The following ZMYND11 variants were observed in gnomAD, a reference collection of about 807,000 sequenced individuals.
ZMYND11 encodes zinc finger MYND-type containing 11, also known as zinc finger MYND domain-containing protein 11.
A neutral mutation model predicts 84.9 loss-of-function variants in ZMYND11; 9 were observed. That is an observed-to-expected ratio of 0.11 (90% confidence interval 0.06 to 0.18). The LOEUF (loss-of-function observed/expected upper bound fraction) is 0.18. Among genes scored for constraint, ZMYND11 ranks in the 10% least tolerant of loss-of-function variants. ZMYND11 has a pLI of 1.00. For synonymous variants in ZMYND11, 250 were observed against 244.1 expected (o/e 1.02, Z -0.23); for missense variants, 409 against 761.0 (o/e 0.54, Z 5.44).
At chr10:158,992 T>G (rs1406799651) in intron 1 of ZMYND11, among the ~76,000 whole-genome samples, 6 of 80,246 alleles carry the variant, frequency 7.5e-5, no homozygotes, top group Non-Finnish European at 1.9e-4. Context: ...TTGTTTTTTG[T>G]TTTTTTTTTT....
In ZMYND11 at chr10:221,442, C is replaced by T. The variant is rs572051819; in HGVS notation, c.438+86C>T. 1.1e-5 allele frequency: 16 copies of T among 1,405,142 alleles called. No individual in the cohort carries two copies. In the African/African-American group the frequency reaches 1.9e-4, roughly 16 times the overall value. The allele number at this position is 1,405,142 out of a possible 1,614,324, so 87.0% of individuals were successfully genotyped here. The stretch of plus-strand genomic sequence containing the variant: ...CAAAAAGATATCCCAGGTGGTCTTG[C>T]CAGGTGAACGGATAAAGGACTGGAG... On this transcript the variant is annotated intron_variant, in intron 4 of 14. Coordinates refer to ENST00000381604, the MANE Select transcript of ZMYND11 (RefSeq NM_001370100.5).
intron 4 of ZMYND11, among the ~76,000 whole-genome samples, chr10:225,168 A>ATAAG (rs1947885389): frequency 6.6e-6 from 1 of 152,232 alleles, no homozygotes; most frequent in African/African-American, 2.4e-5. Context: ...CTTTGGTAGG[A>ATAAG]TAAGTTTATT....
At chr10:240,519 A>G (rs1264446847) in intron 8 of ZMYND11, among the ~76,000 whole-genome samples, 1 of 152,184 alleles carries the variant, frequency 6.6e-6, no homozygotes, top group Non-Finnish European at 1.5e-5. Context: ...AAACAAAAAA[A>G]GGTCTTTTAT....
chr10:190,350 G>C (rs772568071), intron 2 of ZMYND11, among the ~76,000 whole-genome samples: 3 of 152,096 alleles, frequency 2.0e-5, no homozygotes, highest in Non-Finnish European at 1.5e-5. Flanking sequence ...ACATTCCCAT[G>C]CATAGGTGTT....
At chr10:161,031 G>A (rs1167085580) in intron 1 of ZMYND11, among the ~76,000 whole-genome samples, 1 of 147,264 alleles carries the variant, frequency 6.8e-6, no homozygotes, top group Non-Finnish European at 1.5e-5. Flanking sequence ...GCACAAACAG[G>A]GCTGACTGCA....
chr10:246,683 G>C, intron 10 of ZMYND11, 83 bp from the exon 11 acceptor site: 1 of 1,338,804 alleles, frequency 7.5e-7, no homozygotes, highest in Non-Finnish European at 1.1e-6. Flanking sequence ...CTTTATGGCA[G>C]GCAGGGTCCA....
In ZMYND11 at chr10:165,071, C is replaced by T. The variant is rs892089707; in HGVS notation, c.-19-14923C>T. Among the ~76,000 whole-genome samples, 5 of 152,214 alleles carry T rather than the reference C, an allele frequency of 3.3e-5. No homozygotes were observed. The South Asian group carries it at 8.3e-4, about 25-fold the overall frequency. ...TTCCATCTACCTCCTTTACTTTTGT[C>T]AGTCAGTCTTCTGGAAAGAGTTCTC... is the stretch of plus-strand genomic sequence containing the variant. On this transcript the variant is annotated intron_variant, in intron 1 of 14. Transcript: ENST00000381604.
At chr10:190,888 T>TAA (rs920766984) in intron 2 of ZMYND11, among the ~76,000 whole-genome samples, 1 of 152,052 alleles carries the variant, frequency 6.6e-6, no homozygotes, top group Non-Finnish European at 1.5e-5. Flanking sequence ...GTTCCCTTAG[T>TAA]AATATATATA....
intron 2 of ZMYND11, among the ~76,000 whole-genome samples, chr10:180,439 G>C (rs1193197804): frequency 2.0e-5 from 3 of 152,036 alleles, no homozygotes; most frequent in Non-Finnish European, 2.9e-5. Context: ...TCATTCTGTT[G>C]CCCAGGCTGG....
intron 2 of ZMYND11, among the ~76,000 whole-genome samples, chr10:201,394 C>T (rs1943105283): frequency 6.6e-6 from 1 of 152,062 alleles, no homozygotes; most frequent in African/African-American, 2.4e-5. Context: ...CTGGTTGTGG[C>T]TGTTTTTATA....
chr10:239,837 A>G (rs1270666692), intron 7 of ZMYND11: 1 of 551,652 alleles, frequency 1.8e-6, no homozygotes, highest in African/African-American at 1.9e-5. Flanking sequence ...CACATCATCC[A>G]AAGGTAAGGT....
chr10:190,063 C>G (rs1939921055), intron 2 of ZMYND11, among the ~76,000 whole-genome samples: 1 of 152,186 alleles, frequency 6.6e-6, no homozygotes, highest in African/African-American at 2.4e-5. Context: ...AAATTTTTAT[C>G]CTGTAGCGAG....
At chr10:142,658 G>T (rs1837761666) in intron 1 of ZMYND11, among the ~76,000 whole-genome samples, 1 of 152,128 alleles carries the variant, frequency 6.6e-6, no homozygotes, top group Admixed American at 6.5e-5. Flanking sequence ...TCTTTACAGT[G>T]ATATTCCTTC....
intron 1 of ZMYND11, among the ~76,000 whole-genome samples, chr10:138,977 C>T (rs1038758479): frequency 5.1e-4 from 77 of 152,010 alleles, no homozygotes; most frequent in South Asian, 8.3e-4. Context: ...GGATTATAGG[C>T]GCCCGCCACT....
chr10:217,428 C>T (rs963634900), intron 3 of ZMYND11, among the ~76,000 whole-genome samples: 18 of 151,132 alleles, frequency 1.2e-4, no homozygotes, highest in Admixed American at 4.0e-4. Flanking sequence ...GAAGCTGAGG[C>T]GCAAGAATTG....
chr10:131,526 A>G (rs1421199670), upstream of ZMYND11, among the ~76,000 whole-genome samples: 3 of 152,158 alleles, frequency 2.0e-5, no homozygotes, highest in Non-Finnish European at 4.4e-5. Flanking sequence ...TGGATTTCTT[A>G]TACTGACAGT....
intron 3 of ZMYND11, among the ~76,000 whole-genome samples, chr10:216,900 T>C (rs1298260283): frequency 2.0e-5 from 3 of 152,174 alleles, no homozygotes; most frequent in African/African-American, 7.2e-5. Context: ...TTAAAATTAC[T>C]GGAAATATGT....
chr10:185,010 G>A (rs1007967619), intron 2 of ZMYND11, among the ~76,000 whole-genome samples: 2 of 151,960 alleles, frequency 1.3e-5, no homozygotes, highest in Non-Finnish European at 2.9e-5. Context: ...GCTTTGTCCT[G>A]GAAAGGAACT....
At chr10:186,555 C>T (rs972325740) in intron 2 of ZMYND11, among the ~76,000 whole-genome samples, 19 of 143,494 alleles carry the variant, frequency 1.3e-4, no homozygotes, top group African/African-American at 3.6e-4. Context: ...GCAGGAGAAT[C>T]ACTTGAATCT....
Sources: allele counts gnomAD v4.1 joint callset (sites outside exome capture counted in the v4.1 genomes callset), GRCh38; gene constraint gnomAD v4.1.1; transcripts MANE v1.5; gene names NCBI Gene and HGNC (gene_info 2026-07-23, HGNC 2026-07-21).